LRRC7: variants seen among roughly 807,000 people sequenced by gnomAD.
The protein encoded by LRRC7 is leucine-rich repeat-containing protein 7.
In LRRC7, 23 loss-of-function variants were observed where a neutral mutation model predicts 175.7. That is an observed-to-expected ratio of 0.13 (90% CI 0.09 to 0.19). The LOEUF (loss-of-function observed/expected upper bound fraction) is 0.19. Among genes scored for constraint, LRRC7 ranks in the 10% least tolerant of loss-of-function variants. The pLI is 1.00. For synonymous variants in LRRC7, 685 were observed against 680.9 expected (o/e 1.01, Z -0.09); for missense variants, 1,354 against 1,904.7 (o/e 0.71, Z 5.38).
Position 70,038,074 on chromosome 1 carries a change from T to G in LRRC7, c.2289-39T>G, listed in dbSNP as rs750487140. On this transcript the variant is annotated intron_variant, in intron 20 of 26. Transcript: ENST00000651989. ...TCTCTTTCTGCCAAAGACCCAACTC[T>G]TCGTCCTTTTCAATTTCTTCTTCCC... 32 of 1,551,152 alleles carry G rather than the reference T, an allele frequency of 2.1e-5. No individual in the cohort carries two copies. In the South Asian group the frequency reaches 3.4e-4, roughly 17 times the overall value.
intron 7 of LRRC7, among the ~76,000 whole-genome samples, chr1:69,887,410 T>G (rs1391014950): frequency 3.5e-5 from 5 of 142,754 alleles, no homozygotes; most frequent in Non-Finnish European, 7.5e-5. Flanking sequence ...TTGATCGCAT[T>G]GGCTCCTGAG....
chr1:69,646,476 T>A (rs1177716151), intron 1 of LRRC7, among the ~76,000 whole-genome samples: 1 of 152,162 alleles, frequency 6.6e-6, no homozygotes, highest in Non-Finnish European at 1.5e-5. Context: ...CTTACCAATA[T>A]TTGGCTTTGT....
intron 7 of LRRC7, among the ~76,000 whole-genome samples, chr1:69,866,944 A>G (rs533649854): frequency 6.6e-6 from 1 of 152,302 alleles, no homozygotes; most frequent in Non-Finnish European, 1.5e-5. Flanking sequence ...GTTTATATAT[A>G]TTAAGCTCAC....
chr1:70,044,476 G>A (rs139485604), intron 22 of LRRC7, among the ~76,000 whole-genome samples: 1 of 152,050 alleles, frequency 6.6e-6, no homozygotes, highest in East Asian at 1.9e-4. Context: ...GATGCATTCT[G>A]AGAACAGAGC....
chr1:69,573,998 G>A (rs1645842809), intron 1 of LRRC7, among the ~76,000 whole-genome samples: 1 of 152,078 alleles, frequency 6.6e-6, no homozygotes, highest in African/African-American at 2.4e-5. Context: ...TGTACACGAA[G>A]TTCAGTAAGG....
intron 4 of LRRC7, among the ~76,000 whole-genome samples, chr1:69,817,878 C>T (rs1001591957): frequency 2.0e-5 from 3 of 151,930 alleles, no homozygotes; most frequent in Non-Finnish European, 4.4e-5. Flanking sequence ...GTATTCTTTC[C>T]CACATTATTG....
chr1:69,669,075 T>G (rs901347799), intron 1 of LRRC7, among the ~76,000 whole-genome samples: 4 of 152,234 alleles, frequency 2.6e-5, no homozygotes, highest in African/African-American at 4.8e-5. Flanking sequence ...GGTCCATCCT[T>G]TAGTCTCTCT....
chr1:70,058,527 C>T (rs4650020), intron 23 of LRRC7, among the ~76,000 whole-genome samples: 19,526 of 152,184 alleles, frequency 0.13, 1,721 homozygotes, highest in African/African-American at 0.24. Context: ...ACTTCTGTTA[C>T]TCCTACAGTC....
In LRRC7 at chr1:69,895,125, G is replaced by A. The variant is rs535923784; in HGVS notation, c.648-36382G>A. ...TGCTTGCCTGTAATCCCAGCTACTC[G>A]GGAGGCTGAGGCAGGTGAATCGCTT... On this transcript the variant is annotated intron_variant, in intron 7 of 26. Transcript: ENST00000651989. Among the ~76,000 whole-genome samples the A allele has an allele frequency of 4.5e-4, 68 of 152,202 alleles. 1 individual carries two copies. The highest frequency in any genetic ancestry group is 1.4e-3 in the African/African-American group (60 of 41,538).
chr1:69,801,083 C>T (rs1279983259), intron 4 of LRRC7, among the ~76,000 whole-genome samples: 1 of 151,378 alleles, frequency 6.6e-6, no homozygotes, highest in South Asian at 2.1e-4. Context: ...TTGAATAAAA[C>T]CAACTTGATC....
intron 2 of LRRC7, among the ~76,000 whole-genome samples, chr1:69,722,183 C>T (rs771401280): frequency 4.6e-5 from 7 of 151,938 alleles, no homozygotes; most frequent in African/African-American, 7.2e-5. Flanking sequence ...AATTGTAGCA[C>T]GTTTAGACAC....
intron 2 of LRRC7, among the ~76,000 whole-genome samples, chr1:69,755,618 G>A (rs1399858042): frequency 6.6e-6 from 1 of 151,444 alleles, no homozygotes; most frequent in Non-Finnish European, 1.5e-5. Context: ...TTATAACAAA[G>A]TACCCACAAA....
chr1:69,608,972 A>T (rs1417928554), intron 1 of LRRC7, among the ~76,000 whole-genome samples: 1 of 148,810 alleles, frequency 6.7e-6, no homozygotes, highest in Non-Finnish European at 1.5e-5. Context: ...TTAACAGGAA[A>T]TATGTTCATA....
At chr1:69,951,064 C>T (rs1003411743) in intron 8 of LRRC7, among the ~76,000 whole-genome samples, 5 of 151,408 alleles carry the variant, frequency 3.3e-5, no homozygotes, top group African/African-American at 1.2e-4. Flanking sequence ...GGTCTAATAT[C>T]CAGCATCTAT....
intron 2 of LRRC7, among the ~76,000 whole-genome samples, chr1:69,717,922 A>AGAAAG (rs1387660088): frequency 0.018 from 453 of 25,472 alleles, 18 homozygotes; most frequent in East Asian, 0.034. Flanking sequence ...AAAGAGAGAA[A>AGAAAG]AAAAGAAAAG....
chr1:69,859,592 T>C (rs1346981689), intron 7 of LRRC7, among the ~76,000 whole-genome samples: 1 of 152,094 alleles, frequency 6.6e-6, no homozygotes, highest in Non-Finnish European at 1.5e-5. Context: ...TTAGCAATAA[T>C]GGATTCTGAT....
chr1:69,855,966 T>C (rs1323774450), intron 7 of LRRC7, among the ~76,000 whole-genome samples: 1 of 152,164 alleles, frequency 6.6e-6, no homozygotes, highest in African/African-American at 2.4e-5. Flanking sequence ...TTTTTTTGTT[T>C]CCATTTGCTT....
chr1:69,757,618 A>G (rs1670573645), intron 2 of LRRC7, among the ~76,000 whole-genome samples: 1 of 151,990 alleles, frequency 6.6e-6, no homozygotes, highest in Admixed American at 6.6e-5. Context: ...AAGTTTTGGT[A>G]GACAGTGGAC....
chr1:69,866,562 CT>C (rs1409332285), intron 7 of LRRC7, among the ~76,000 whole-genome samples: 2 of 152,324 alleles, frequency 1.3e-5, no homozygotes, highest in East Asian at 3.9e-4. Context: ...CCTAAATCTT[CT>C]TGCTATAATT....
Sources: allele counts gnomAD v4.1 joint callset (sites outside exome capture counted in the v4.1 genomes callset), GRCh38; gene constraint gnomAD v4.1.1; transcripts MANE v1.5; gene names NCBI Gene and HGNC (gene_info 2026-07-23, HGNC 2026-07-21).